Variants in CCDC171 observed in about 807,000 individuals in gnomAD.
CCDC171 encodes coiled-coil domain-containing protein 171.
Under a neutral mutation model 168.2 loss-of-function variants are expected in CCDC171, and 177 were observed. The ratio of observed to expected loss-of-function variants is 1.05; its 90% CI spans 0.93 to 1.19. The LOEUF (loss-of-function observed/expected upper bound fraction) is 1.19, where lower values mean the gene tolerates loss of function less well. CCDC171 is among the 50% of genes most tolerant of loss of function. The pLI is 0.00. For synonymous variants in CCDC171, 687 were observed against 540.8 expected (o/e 1.27, Z -3.75); for missense variants, 1,991 against 1,539.0 (o/e 1.29, Z -4.91).
chr9:15,562,465 C>T (rs764316094), intron 1 of CCDC171, among the ~76,000 whole-genome samples: 3 of 152,128 alleles, frequency 2.0e-5, no homozygotes, highest in African/African-American at 7.2e-5. Flanking sequence ...ATGGAAGATG[C>T]TATCTCTCTA....
intron 7 of CCDC171, among the ~76,000 whole-genome samples, chr9:15,652,322 C>T (rs1369290781): frequency 6.6e-6 from 1 of 152,064 alleles, no homozygotes; most frequent in African/African-American, 2.4e-5. Context: ...GTGATGGCAC[C>T]ATTGTCAAAA....
chr9:15,666,094 T>C (rs2048712738), intron 8 of CCDC171, 69 bp from the exon 9 acceptor site: 3 of 1,359,480 alleles, frequency 2.2e-6, no homozygotes, highest in Non-Finnish European at 3.1e-6. Flanking sequence ...TGACAAAGTA[T>C]TCTACTCAAT....
intron 16 of CCDC171, among the ~76,000 whole-genome samples, chr9:15,738,619 GA>G (rs1196044578): frequency 6.6e-6 from 1 of 151,696 alleles, no homozygotes; most frequent in Non-Finnish European, 1.5e-5. Context: ...GAAAACATTC[GA>G]TTTTTTTTTT....
chr9:15,635,350 T>A (rs1406082366), intron 7 of CCDC171, among the ~76,000 whole-genome samples: 4 of 152,172 alleles, frequency 2.6e-5, no homozygotes, highest in African/African-American at 9.6e-5. Flanking sequence ...TACACCCTTG[T>A]CCTTTTTAAA....
chr9:15,947,420 C>A (rs1413030470), intron 25 of CCDC171, among the ~76,000 whole-genome samples: 1 of 151,922 alleles, frequency 6.6e-6, no homozygotes, highest in South Asian at 2.1e-4. Context: ...TTTGACGACT[C>A]TAAGTATTTC....
At chr9:16,028,708 T>C (rs1833318101) in intron 6 of CCDC171, among the ~76,000 whole-genome samples, 1 of 152,168 alleles carries the variant, frequency 6.6e-6, no homozygotes, top group Non-Finnish European at 1.5e-5. Flanking sequence ...ATTCACTGAC[T>C]GAGGCCCCAG....
At chr9:16,044,765 A>G (rs1012867533) in intron 1 of CCDC171, among the ~76,000 whole-genome samples, 5 of 152,160 alleles carry the variant, frequency 3.3e-5, no homozygotes, top group African/African-American at 4.8e-5. Flanking sequence ...TGTTTTTACA[A>G]TTCCCATGAT....
intron 18 of CCDC171, among the ~76,000 whole-genome samples, chr9:15,771,956 C>T (rs547260284): frequency 4.6e-5 from 7 of 152,110 alleles, no homozygotes; most frequent in East Asian, 1.9e-4. Context: ...CCTCAGCCTC[C>T]GGAGTAGCTG....
At chr9:15,878,955 G>A (rs551249997) in intron 24 of CCDC171, among the ~76,000 whole-genome samples, 2 of 152,212 alleles carry the variant, frequency 1.3e-5, no homozygotes, top group African/African-American at 4.8e-5. Flanking sequence ...GGGAACAATT[G>A]GGGCCTTGAG....
chr9:15,900,295 T>C (rs1821449763), intron 24 of CCDC171, among the ~76,000 whole-genome samples: 1 of 152,158 alleles, frequency 6.6e-6, no homozygotes, highest in Non-Finnish European at 1.5e-5. Context: ...CAAACAGCCA[T>C]GTTGAAAGAG....
At chr9:15,889,494 C>G (rs1819907407) in intron 24 of CCDC171, among the ~76,000 whole-genome samples, 1 of 152,056 alleles carries the variant, frequency 6.6e-6, no homozygotes. Flanking sequence ...TGTTTTGAGT[C>G]ATAAAGGAAT....
chr9:16,065,671 A>T (rs1468142570), downstream of CCDC171, among the ~76,000 whole-genome samples: 1 of 152,134 alleles, frequency 6.6e-6, no homozygotes, highest in African/African-American at 2.4e-5. Flanking sequence ...TGATGACATT[A>T]TTCACTCCAA....
intron 9 of CCDC171, among the ~76,000 whole-genome samples, chr9:15,675,332 C>T (rs1174847843): frequency 6.6e-6 from 1 of 151,360 alleles, no homozygotes; most frequent in Non-Finnish European, 1.5e-5. Flanking sequence ...ATGCAATTTG[C>T]CAGTCTGTGT....
chr9:15,705,653 T>A (rs115330272), intron 11 of CCDC171, among the ~76,000 whole-genome samples: 246 of 152,352 alleles, frequency 1.6e-3, no homozygotes, highest in African/African-American at 5.7e-3. Context: ...TTGGGCTCAC[T>A]GTGTCTCTCC....
At chr9:15,636,430 C>T (rs538526770) in intron 7 of CCDC171, among the ~76,000 whole-genome samples, 1 of 151,968 alleles carries the variant, frequency 6.6e-6, no homozygotes. Flanking sequence ...ATTTTTAATA[C>T]TATGGTTTGT....
At chr9:15,843,992 G>A (rs1300238771) in intron 21 of CCDC171, among the ~76,000 whole-genome samples, 1 of 152,120 alleles carries the variant, frequency 6.6e-6, no homozygotes, top group African/African-American at 2.4e-5. Flanking sequence ...CAAGTAATTA[G>A]AGTTGAGCAT....
At chr9:15,835,836 A>G (rs1293411569) in intron 21 of CCDC171, among the ~76,000 whole-genome samples, 1 of 152,172 alleles carries the variant, frequency 6.6e-6, no homozygotes, top group Non-Finnish European at 1.5e-5. Flanking sequence ...TGCCTTTCAT[A>G]TTTTTAAGTG....
chr9:15,852,327 C>T lies in CCDC171; in HGVS notation c.3468+3380C>T, dbSNP rs1327095769. ...GTTTTGATTTGTATTTTCCTAATGACTAACAATGTTGAACATGTTTTCATG... is the reference window on the plus strand; with the variant it reads ...GTTTTGATTTGTATTTTCCTAATGATTAACAATGTTGAACATGTTTTCATG... On this transcript the variant is annotated intron_variant, in intron 23 of 25. Transcript: ENST00000380701. 2.0e-5 allele frequency among the ~76,000 whole-genome samples: 3 copies of T among 151,766 alleles called. No homozygotes were observed. In the East Asian group the frequency reaches 5.8e-4, roughly 29 times the overall value.
intron 11 of CCDC171, among the ~76,000 whole-genome samples, chr9:15,704,581 C>A (rs1327310076): frequency 2.6e-5 from 4 of 152,106 alleles, no homozygotes; most frequent in South Asian, 2.1e-4. Flanking sequence ...TTTGGGCTTG[C>A]TTTTCAAAAT....
Sources: allele counts gnomAD v4.1 joint callset (sites outside exome capture counted in the v4.1 genomes callset), GRCh38; gene constraint gnomAD v4.1.1; transcripts MANE v1.5; gene names NCBI Gene and HGNC (gene_info 2026-07-23, HGNC 2026-07-21).